Variants in CNTN5 observed in about 807,000 individuals in gnomAD.
CNTN5 encodes the protein contactin-5.
Under a neutral mutation model 129.1 loss-of-function variants are expected in CNTN5, and 77 were observed. That is an observed-to-expected ratio of 0.60 (90% CI 0.50 to 0.72). CNTN5 has a LOEUF of 0.72. Ranked by LOEUF, CNTN5 falls within the 30% of genes least tolerant of loss-of-function variation. CNTN5 has a pLI of 0.00. For missense variants in CNTN5, 1,478 were observed against 1,328.8 expected (o/e 1.11, Z -1.75); for synonymous variants, 509 against 465.6 (o/e 1.09, Z -1.20).
At chr11:99,788,198 G>C (rs1323689231) in intron 3 of CNTN5, among the ~76,000 whole-genome samples, 2 of 151,710 alleles carry the variant, frequency 1.3e-5, no homozygotes, top group African/African-American at 4.8e-5. Flanking sequence ...CCTATTTTTA[G>C]TTTCTTAACT....
chr11:99,752,609 A>C (rs964112473), intron 3 of CNTN5, among the ~76,000 whole-genome samples: 4 of 152,176 alleles, frequency 2.6e-5, no homozygotes, highest in Non-Finnish European at 4.4e-5. Context: ...ACTGTTTTCC[A>C]TTCATGTTAT....
chr11:99,749,803 C>T (rs1944172635), intron 3 of CNTN5, among the ~76,000 whole-genome samples: 2 of 152,230 alleles, frequency 1.3e-5, no homozygotes, highest in South Asian at 4.1e-4. Flanking sequence ...TATCATGGTT[C>T]CTGGAAGGTA....
intron 7 of CNTN5, among the ~76,000 whole-genome samples, chr11:99,918,606 C>T (rs1224259677): frequency 6.6e-6 from 1 of 152,076 alleles, no homozygotes. Flanking sequence ...CACCAATTAG[C>T]ATTTGTAGCC....
At chr11:100,007,653 T>C (rs768673533) in intron 9 of CNTN5, among the ~76,000 whole-genome samples, 2 of 152,160 alleles carry the variant, frequency 1.3e-5, no homozygotes, top group Non-Finnish European at 2.9e-5. Flanking sequence ...AGTTAGGTTT[T>C]GGCTTCAGGG....
intron 1 of CNTN5, among the ~76,000 whole-genome samples, chr11:99,126,576 T>C (rs539892467): frequency 2.0e-5 from 3 of 152,278 alleles, no homozygotes; most frequent in South Asian, 4.1e-4. Context: ...GGTAAGAGCG[T>C]AATGATAAAA....
At chr11:99,334,781 T>G (rs1866151436) in intron 2 of CNTN5, among the ~76,000 whole-genome samples, 1 of 152,220 alleles carries the variant, frequency 6.6e-6, no homozygotes, top group Non-Finnish European at 1.5e-5. Flanking sequence ...GTAGAAATTA[T>G]AATATTTTAG....
At chr11:99,420,081 A>G (rs1372383029) in intron 2 of CNTN5, among the ~76,000 whole-genome samples, 2 of 152,122 alleles carry the variant, frequency 1.3e-5, no homozygotes, top group African/African-American at 4.8e-5. Flanking sequence ...GTGTTAAAAA[A>G]TTGTTAGAGG....
At chr11:99,133,479 T>C (rs1297377185) in intron 1 of CNTN5, among the ~76,000 whole-genome samples, 1 of 151,522 alleles carries the variant, frequency 6.6e-6, no homozygotes, top group East Asian at 1.9e-4. Context: ...AACCTACAGA[T>C]TGGGAGAAAA....
Position 100,308,486 on chromosome 11 carries a change from G to C in CNTN5, c.2730+18G>C. The C allele has an allele frequency of 6.2e-7, 1 of 1,604,696 alleles. No individual in the cohort carries two copies. The highest frequency in any genetic ancestry group is 8.5e-7 in the Non-Finnish European group (1 of 1,175,052). The stretch of plus-strand genomic sequence containing the variant: ...GATTTGAGGTATGAACAGAATGATT[G>C]AAAATAAGCCTTATTGTTTCTTCTG... On this transcript the variant is annotated intron_variant, in intron 21 of 24. Coordinates refer to ENST00000524871, the MANE Select transcript of CNTN5 (RefSeq NM_014361.4).
intron 1 of CNTN5, among the ~76,000 whole-genome samples, chr11:99,050,765 CAAAT>C (rs1185106838): frequency 2.0e-5 from 3 of 151,498 alleles, no homozygotes; most frequent in Non-Finnish European, 3.0e-5. Flanking sequence ...TTTTCCTCAA[CAAAT>C]AAACACATAA....
intron 2 of CNTN5, among the ~76,000 whole-genome samples, chr11:99,466,227 C>A (rs755683376): frequency 6.6e-6 from 1 of 152,048 alleles, no homozygotes; most frequent in Non-Finnish European, 1.5e-5. Context: ...TCACTCACTT[C>A]TACGAGAACA....
chr11:100,164,933 G>T (rs544489518), intron 13 of CNTN5, among the ~76,000 whole-genome samples: 1 of 151,876 alleles, frequency 6.6e-6, no homozygotes, highest in Non-Finnish European at 1.5e-5. Context: ...ACACATAAAA[G>T]TCATAAAACC....
At chr11:99,248,004 A>G (rs1433881502) in intron 1 of CNTN5, among the ~76,000 whole-genome samples, 1 of 152,160 alleles carries the variant, frequency 6.6e-6, no homozygotes, top group Non-Finnish European at 1.5e-5. Context: ...GTCAAATGGT[A>G]TTTCCAGTTC....
intron 3 of CNTN5, among the ~76,000 whole-genome samples, chr11:99,653,153 G>C (rs928169447): frequency 6.6e-6 from 1 of 151,922 alleles, no homozygotes; most frequent in African/African-American, 2.4e-5. Flanking sequence ...TAAATACAAG[G>C]TAAGGGAAAA....
chr11:99,297,385 A>G (rs1300322695), intron 1 of CNTN5, among the ~76,000 whole-genome samples: 3 of 152,164 alleles, frequency 2.0e-5, no homozygotes, highest in Non-Finnish European at 4.4e-5. Flanking sequence ...CCCCATGGTC[A>G]GCGATCCTGT....
intron 1 of CNTN5, among the ~76,000 whole-genome samples, chr11:99,105,270 A>C (rs192665108): frequency 6.6e-6 from 1 of 151,978 alleles, no homozygotes; most frequent in African/African-American, 2.4e-5. Flanking sequence ...TAATCACGCT[A>C]TAGTAACCAA....
chr11:100,275,282 C>T (rs1473576487), intron 18 of CNTN5, among the ~76,000 whole-genome samples: 2 of 152,172 alleles, frequency 1.3e-5, no homozygotes, highest in East Asian at 1.9e-4. Flanking sequence ...ACCAGCCATG[C>T]TTTCATTGTG....
chr11:99,044,329 A>G (rs1382552968), intron 1 of CNTN5, among the ~76,000 whole-genome samples: 1 of 152,140 alleles, frequency 6.6e-6, no homozygotes, highest in Non-Finnish European at 1.5e-5. Context: ...TGAATTTGGA[A>G]TTTTCTAACT....
chr11:100,006,340 C>G (rs1350936484), intron 9 of CNTN5, among the ~76,000 whole-genome samples: 1 of 152,050 alleles, frequency 6.6e-6, no homozygotes, highest in Non-Finnish European at 1.5e-5. Flanking sequence ...TTGATTGACT[C>G]TGTAGCTTAT....
Sources: allele counts gnomAD v4.1 joint callset (sites outside exome capture counted in the v4.1 genomes callset), GRCh38; gene constraint gnomAD v4.1.1; transcripts MANE v1.5; gene names NCBI Gene and HGNC (gene_info 2026-07-23, HGNC 2026-07-21).